Variants in TICAM1 observed in about 807,000 individuals in gnomAD.
The protein encoded by TICAM1 is TIR domain containing adaptor molecule 1, also known as TIR domain-containing adapter molecule 1.
For synonymous variants in TICAM1, 439 were observed against 415.4 expected (o/e 1.06, Z -0.69); for missense variants, 895 against 938.2 (o/e 0.95, Z 0.60).
intron 1 of TICAM1, among the ~76,000 whole-genome samples, chr19:4,829,513 C>A (rs760341189): frequency 9.9e-5 from 15 of 151,854 alleles, no homozygotes; most frequent in African/African-American, 3.6e-4. Context: ...AGGCGCCTGG[C>A]GGGACAAAAA....
chr19:4,822,297 C>G (rs894330086), intron 1 of TICAM1, among the ~76,000 whole-genome samples: 2 of 151,504 alleles, frequency 1.3e-5, no homozygotes, highest in Admixed American at 6.6e-5. Context: ...GGCTGCAGTG[C>G]AGTGGCATGA....
intron 1 of TICAM1, among the ~76,000 whole-genome samples, chr19:4,826,848 A>AT (rs1239343958): frequency 1.5e-4 from 23 of 152,178 alleles, no homozygotes; most frequent in Non-Finnish European, 3.1e-4. Context: ...ACATTTTCAG[A>AT]TTTAACACAG....
chr19:4,827,287 G>T (rs1421068050), intron 1 of TICAM1, among the ~76,000 whole-genome samples: 1 of 145,970 alleles, frequency 6.9e-6, no homozygotes, highest in Non-Finnish European at 1.5e-5. Context: ...GGAGGTGGAG[G>T]TTGAACCCGG....
At position 4,816,135 on chromosome 19, in the gene TICAM1, T is replaced by G; in HGVS notation, c.*104A>C. On this transcript the variant is annotated 3_prime_UTR_variant, in exon 2 of 2. Transcript: ENST00000248244. The surrounding 1 kb of genome is among the most constrained non-coding windows in gnomAD (Gnocchi z 4.3). ...CCTGAAAGTGGCAGATGACCTCATC[T>G]TCCACTGTCCACAGGGCACAGGGCA... is the stretch of plus-strand genomic sequence containing the variant. 7.4e-7 allele frequency: 1 copy of G among 1,353,628 alleles called. No individual in the cohort carries two copies. The highest frequency in any genetic ancestry group is 9.5e-7 in the Non-Finnish European group (1 of 1,055,502). The allele number at this position is 1,353,628 out of a possible 1,614,324, so 83.9% of individuals were successfully genotyped here. A position where few individuals can be genotyped will look rare whatever the true frequency, so the allele number is the denominator to read the frequency against.
Position 4,818,338 on chromosome 19 carries a change from T to G in TICAM1, c.40A>C (p.Ile14Leu), listed in dbSNP as rs762230516. ...TGPSLPSAFDILGAAGQDKLL... is the reference protein window; with the variant it reads ...TGPSLPSAFDLLGAAGQDKLL... ...TTGTCCTGGCCTGCTGCACCTAGAA[T>G]GTCGAAGGCGCTAGGAAGTGATGGG... is the stretch of plus-strand genomic sequence containing the variant. Residue 14 changes from isoleucine to leucine, a missense_variant, in exon 2 of 2, where the codon ATT becomes CTT. Coordinates refer to ENST00000248244, the MANE Select transcript of TICAM1 (RefSeq NM_182919.4). The surrounding 1 kb of genome is among the most constrained non-coding windows in gnomAD (Gnocchi z 4.0). The G allele has an allele frequency of 3.1e-6, 5 of 1,611,176 alleles. No individual in the cohort carries two copies. Among genetic ancestry groups the G allele is most frequent in the African/African-American group, 1.3e-5 (1 of 74,856 alleles).
chr19:4,821,816 G>A (rs963707536), intron 1 of TICAM1, among the ~76,000 whole-genome samples: 1 of 151,458 alleles, frequency 6.6e-6, no homozygotes, highest in Non-Finnish European at 1.5e-5. Context: ...GGTTAATTTT[G>A]TATTTTTAGT....
Position 4,817,517 on chromosome 19 carries a change from G to C in TICAM1, c.861C>G (p.Leu287=). Residue 287 remains leucine (L), a synonymous_variant, in exon 2 of 2, where the codon CTC becomes CTG. Transcript: ENST00000248244. This position sits in a 1 kb window ranked among gnomAD's most constrained non-coding sequence, Gnocchi z 4.7. ...EVAPDATSTG[L]PDTPAAPETS... ...TTTCTGGAGCTGCGGGGGTATCAGG[G>C]AGGCCAGTGGAGGTTGCATCTGGGG... 6.2e-7 allele frequency: 1 copy of C among 1,613,840 alleles called. No homozygotes were observed. The highest frequency in any genetic ancestry group is 8.5e-7 in the Non-Finnish European group (1 of 1,179,920).
At chr19:4,827,554 C>T (rs1012943386) in intron 1 of TICAM1, among the ~76,000 whole-genome samples, 79 of 151,780 alleles carry the variant, frequency 5.2e-4, no homozygotes, top group African/African-American at 1.6e-3. Flanking sequence ...GTCAGGAGAT[C>T]GAGACCGTGC....
At chr19:4,826,118 C>T (rs1232643789) in intron 1 of TICAM1, among the ~76,000 whole-genome samples, 2 of 151,734 alleles carry the variant, frequency 1.3e-5, no homozygotes, top group Non-Finnish European at 2.9e-5. Flanking sequence ...CCGGAGATCG[C>T]GCCACTGCAC....
intron 1 of TICAM1, among the ~76,000 whole-genome samples, chr19:4,827,555 G>A (rs1352125752): frequency 6.6e-6 from 1 of 151,684 alleles, no homozygotes; most frequent in Non-Finnish European, 1.5e-5. Flanking sequence ...TCAGGAGATC[G>A]AGACCGTGCT....
rs530816066 is a variant in TICAM1 at position 4,816,056 on chromosome 19, G to T, written c.*183C>A. 1.0e-5 allele frequency: 9 copies of T among 895,060 alleles called. No homozygotes were observed. In the Middle Eastern group the frequency reaches 1.2e-3, roughly 115 times the overall value. The allele number at this position is 895,060 out of a possible 1,614,324, so 55.4% of individuals were successfully genotyped here. ...GTATCCAGTTCTGACCACCCTGAAA[G>T]CCAGGGCATCATCGCGCCCGTTTTG... On this transcript the variant is annotated 3_prime_UTR_variant, in exon 2 of 2. Coordinates refer to ENST00000248244, the MANE Select transcript of TICAM1 (RefSeq NM_182919.4). This position sits in a 1 kb window ranked among gnomAD's most constrained non-coding sequence, Gnocchi z 4.3.
At position 4,828,534 on chromosome 19, in the gene TICAM1, T is replaced by C. The variant is rs74952274; in HGVS notation, c.-140+3080A>G. Among the ~76,000 whole-genome samples, 693 of 147,004 alleles carry C rather than the reference T, an allele frequency of 4.7e-3. 2 individuals carry two copies. Among genetic ancestry groups the C allele is most frequent in the African/African-American group, 0.017 (664 of 39,712 alleles). On this transcript the variant is annotated intron_variant, in intron 1 of 1. Coordinates refer to ENST00000248244, the MANE Select transcript of TICAM1 (RefSeq NM_182919.4). The stretch of plus-strand genomic sequence containing the variant: ...AGCCTACATGTCAGTAAAATATATA[T>C]ACATATATATATTTTTTGAGACGGA...
intron 1 of TICAM1, among the ~76,000 whole-genome samples, chr19:4,829,054 C>T (rs113703170): frequency 0.016 from 2,475 of 152,068 alleles, 22 homozygotes; most frequent in Non-Finnish European, 0.023. Context: ...AGGCTGGTCT[C>T]GAACTCCTGA....
In TICAM1 at chr19:4,816,595, T is replaced by A. The variant is rs561021962; in HGVS notation, c.1783A>T (p.Met595Leu). 5.6e-6 allele frequency: 9 copies of A among 1,613,762 alleles called. No individual in the cohort carries two copies. In the Admixed American group the frequency reaches 1.5e-4, roughly 27 times the overall value. ...TAGGGCGCCCCAGTCCCAAATGACA[T>A]GTGGCTCCCAAAAGCCACCTGGAGC... Reference protein sequence around the residue: ...EQLQVAFGSHMSFGTGAPYGA... With the variant: ...EQLQVAFGSHLSFGTGAPYGA... The change falls in exon 2 of 2, where the codon ATG (methionine) becomes TTG (leucine). Residue 595 changes from methionine (M) to leucine (L), a missense_variant. Transcript: ENST00000248244. The surrounding 1 kb of genome is among the most constrained non-coding windows in gnomAD (Gnocchi z 4.3).
At chr19:4,822,671 AAT>A (rs1369149854) in intron 1 of TICAM1, among the ~76,000 whole-genome samples, 1 of 152,198 alleles carries the variant, frequency 6.6e-6, no homozygotes, top group Non-Finnish European at 1.5e-5. Context: ...CAAAGTGGAA[AAT>A]ATTCACTCTC....
rs767959350 is a variant in TICAM1 at position 4,818,590 on chromosome 19, C to T, written c.-139-74G>A. ...CACGGGAAGGCGGCCCACACACCCCCGCCTGCTTTCCCCGCCTGCCACCCA... is the reference window on the plus strand; with the variant it reads ...CACGGGAAGGCGGCCCACACACCCCTGCCTGCTTTCCCCGCCTGCCACCCA... On this transcript the variant is annotated intron_variant, in intron 1 of 1. Transcript: ENST00000248244. The surrounding 1 kb of genome is among the most constrained non-coding windows in gnomAD (Gnocchi z 4.0). The T allele has an allele frequency of 2.6e-5, 27 of 1,054,990 alleles. 1 individual carries two copies. Among genetic ancestry groups the T allele is most frequent in the East Asian group, 1.2e-4 (4 of 32,494 alleles). The allele number at this position is 1,054,990 out of a possible 1,614,324, so 65.4% of individuals were successfully genotyped here.
Position 4,816,439 on chromosome 19 carries a change from G to A in TICAM1, c.1939C>T (p.Gln647Ter). The change falls in exon 2 of 2, where the codon CAG becomes TAG. Residue 647 changes from glutamine (Q) to a stop codon, truncating the protein, a stop_gained. Coordinates refer to ENST00000248244, the MANE Select transcript of TICAM1 (RefSeq NM_182919.4). LOFTEE classifies it low-confidence loss of function (END_TRUNC). This position sits in a 1 kb window ranked among gnomAD's most constrained non-coding sequence, Gnocchi z 4.3. ...AGTGACTGTGGAAAGGCTGCTGGCT[G>A]TGGGGAGGGCGGTGGGGGGGTGCCA... ...QAGTPPPPSPQPAAFPQSLPF... is the reference protein window; with the variant it reads ...QAGTPPPPSP 6.4e-7 allele frequency: 1 copy of A among 1,558,198 alleles called. No individual in the cohort carries two copies. Among genetic ancestry groups the A allele is most frequent in the Non-Finnish European group, 8.7e-7 (1 of 1,153,706 alleles).
At chr19:4,829,849 C>T (rs1332678909) in intron 1 of TICAM1, among the ~76,000 whole-genome samples, 1 of 125,906 alleles carries the variant, frequency 7.9e-6, no homozygotes, top group Non-Finnish European at 1.6e-5. Flanking sequence ...CTTGCTGTGT[C>T]GCCCAGGCTG....
At chr19:4,829,457 T>C (rs1476214048) in intron 1 of TICAM1, among the ~76,000 whole-genome samples, 1 of 147,358 alleles carries the variant, frequency 6.8e-6, no homozygotes, top group East Asian at 2.1e-4. Flanking sequence ...GTTTCATTTC[T>C]CACTGTCCAT....
Sources: allele counts gnomAD v4.1 joint callset (sites outside exome capture counted in the v4.1 genomes callset), GRCh38; gene constraint gnomAD v4.1.1; non-coding constraint Gnocchi (gnomAD v3.1); transcripts MANE v1.5; gene names NCBI Gene and HGNC (gene_info 2026-07-23, HGNC 2026-07-21).